ZDHHC21: variants seen among roughly 807,000 people sequenced by gnomAD.
ZDHHC21 encodes the protein palmitoyltransferase ZDHHC21.
In ZDHHC21, 15 loss-of-function variants were observed where a neutral mutation model predicts 34.6. The observed-to-expected ratio is 0.43, with a 90% CI of 0.29 to 0.67. The LOEUF (loss-of-function observed/expected upper bound fraction) is 0.67. Ranked by LOEUF, ZDHHC21 falls within the 30% of genes least tolerant of loss-of-function variation. The pLI is 0.14. For synonymous variants in ZDHHC21, 142 were observed against 101.8 expected, an observed-to-expected ratio of 1.40 and a Z score of -2.38; for missense variants, 344 against 327.7, an observed-to-expected ratio of 1.05 and a Z score of -0.38.
At position 14,640,004 on chromosome 9, in the gene ZDHHC21, A is replaced by T; in HGVS notation, c.513T>A (p.Phe171Leu). The T allele has an allele frequency of 6.3e-7, 1 of 1,593,936 alleles. No homozygotes were observed. Among genetic ancestry groups the T allele is most frequent in the Non-Finnish European group, 8.6e-7 (1 of 1,168,824 alleles). Residue 171 changes from phenylalanine to leucine, a missense_variant, in exon 8 of 10, where the codon TTT becomes TTA. Transcript: ENST00000380916. ...LPLKKRNLDL[F>L]VFRHELAIMR... ...TTATGGCCAATTCATGTCTAAAAAC[A>T]AAGAGGTCCTAAAAAGAAAAAGAAA... is the stretch of plus-strand genomic sequence containing the variant.
At chr9:14,660,658 C>G (rs1587245177) in intron 6 of ZDHHC21, among the ~76,000 whole-genome samples, 1 of 152,178 alleles carries the variant, frequency 6.6e-6, no homozygotes, top group Middle Eastern at 3.4e-3. Flanking sequence ...TGTACTTCCC[C>G]CTCACTGCTA....
Position 14,644,200 on chromosome 9 carries a change from C to A in ZDHHC21, c.505-4188G>T, listed in dbSNP as rs554184222. On this transcript the variant is annotated intron_variant, in intron 7 of 9. Transcript: ENST00000380916. ...CATTGTCTAAAGGTTTGTTTGTGAG[C>A]ATATAAAAATAGATTTTTAAAAATA... Among the ~76,000 whole-genome samples, 3 of 152,162 alleles carry A rather than the reference C, an allele frequency of 2.0e-5. No individual in the cohort carries two copies. In the East Asian group the frequency reaches 5.8e-4, roughly 29 times the overall value.
chr9:14,608,621 G>A (rs1376921277), downstream of ZDHHC21, among the ~76,000 whole-genome samples: 2 of 151,816 alleles, frequency 1.3e-5, no homozygotes, highest in African/African-American at 4.8e-5. Flanking sequence ...AGAATGTGCT[G>A]TGACTGATAC....
At chr9:14,660,372 C>A (rs867001083) in intron 6 of ZDHHC21, among the ~76,000 whole-genome samples, 115 of 58,798 alleles carry the variant, frequency 2.0e-3, no homozygotes, top group Middle Eastern at 0.019. Flanking sequence ...GACTCCATCT[C>A]AAAAAAAAAA....
intron 8 of ZDHHC21, among the ~76,000 whole-genome samples, chr9:14,634,383 G>A (rs146054858): frequency 7.5e-4 from 114 of 152,304 alleles, no homozygotes; most frequent in East Asian, 3.7e-3. Context: ...AACAAGCCAC[G>A]TGGAGGCCCA....
intron 5 of ZDHHC21, among the ~76,000 whole-genome samples, chr9:14,664,643 C>A (rs1263544391): frequency 6.6e-6 from 1 of 151,244 alleles, no homozygotes; most frequent in Non-Finnish European, 1.5e-5. Context: ...TCTCCCTGCA[C>A]GCAGCTGGAG....
intron 7 of ZDHHC21, among the ~76,000 whole-genome samples, chr9:14,651,272 A>C (rs2133835548): frequency 6.6e-6 from 1 of 152,058 alleles, no homozygotes; most frequent in South Asian, 2.1e-4. Context: ...TCTGAAGAGC[A>C]GATATTATGA....
chr9:14,626,755 T>C (rs1024464666), intron 8 of ZDHHC21, among the ~76,000 whole-genome samples: 4 of 151,876 alleles, frequency 2.6e-5, no homozygotes, highest in African/African-American at 9.7e-5. Context: ...ATATACAAAA[T>C]TCTAAAAAAT....
At chr9:14,630,045 AAAAC>A (rs1394054051) in intron 8 of ZDHHC21, among the ~76,000 whole-genome samples, 5 of 152,172 alleles carry the variant, frequency 3.3e-5, no homozygotes, top group East Asian at 1.9e-4. Flanking sequence ...ACTCCATCCC[AAAAC>A]AAACAAACAA....
the ZDHHC21 span, among the ~76,000 whole-genome samples, chr9:14,602,463 C>A: frequency 6.6e-6 from 1 of 151,800 alleles, no homozygotes. Flanking sequence ...GAGATACAGG[C>A]ATCTAGATAG....
At chr9:14,592,388 G>A in the ZDHHC21 span, among the ~76,000 whole-genome samples, 4 of 151,844 alleles carry the variant, frequency 2.6e-5, no homozygotes, top group African/African-American at 9.7e-5. Context: ...ACTGCTTCAT[G>A]AAGGATTTTC....
At chr9:14,595,192 G>A in the ZDHHC21 span, among the ~76,000 whole-genome samples, 1 of 152,038 alleles carries the variant, frequency 6.6e-6, no homozygotes, top group African/African-American at 2.4e-5. Context: ...TAAAACATAT[G>A]TCCACACATT....
In ZDHHC21 at chr9:14,644,943, C is replaced by G. The variant is rs1274294802; in HGVS notation, c.505-4931G>C. The stretch of plus-strand genomic sequence containing the variant: ...AAGAATACCATGAGGCTCATATAAA[C>G]AGAGCAAGGTAGGAAAGTCGGTTCT... On this transcript the variant is annotated intron_variant, in intron 7 of 9. Transcript: ENST00000380916. Among the ~76,000 whole-genome samples, 3 of 151,822 alleles carry G rather than the reference C, an allele frequency of 2.0e-5. No individual in the cohort carries two copies. In the East Asian group the frequency reaches 5.8e-4, roughly 30 times the overall value.
Position 14,634,412 on chromosome 9 carries a change from CCTG to C in ZDHHC21, c.621+5481_621+5483del, listed in dbSNP as rs1312604783. On this transcript the variant is annotated intron_variant, in intron 8 of 9. Coordinates refer to ENST00000380916, the MANE Select transcript of ZDHHC21 (RefSeq NM_178566.6). ...AGGCCCAAGAATTGGTCTGTGTGGA[CCTG>C]CTAACAGCAGTGCCAATGCCACCCT... Among the ~76,000 whole-genome samples, 17 of 152,312 alleles carry C rather than the reference CCTG, an allele frequency of 1.1e-4. No homozygotes were observed. The East Asian group carries it at 3.3e-3, about 29-fold the overall frequency.
At chr9:14,628,063 C>T (rs944672154) in intron 8 of ZDHHC21, among the ~76,000 whole-genome samples, 9 of 152,040 alleles carry the variant, frequency 5.9e-5, no homozygotes, top group Admixed American at 3.3e-4. Flanking sequence ...GTAGTAAAAA[C>T]GCACAAAAAC....
the ZDHHC21 span, among the ~76,000 whole-genome samples, chr9:14,597,958 C>T: frequency 6.6e-6 from 1 of 152,152 alleles, no homozygotes; most frequent in South Asian, 2.1e-4. Context: ...AGAGAACTTG[C>T]CTGCCCAGCT....
rs958172890 is a variant in ZDHHC21 at position 14,613,504 on chromosome 9, C to T, written c.*5462G>A. The T allele has an allele frequency of 7.3e-5, 11 of 151,704 alleles. No homozygotes were observed. Among genetic ancestry groups the T allele is most frequent in the African/African-American group, 2.7e-4 (11 of 41,376 alleles). 9.4% of individuals were successfully genotyped at this position (151,704 alleles called of 1,614,324 possible). A position where few individuals can be genotyped will look rare whatever the true frequency, so the allele number is the denominator to read the frequency against. On this transcript the variant is annotated 3_prime_UTR_variant, in exon 10 of 10. Coordinates refer to ENST00000380916, the MANE Select transcript of ZDHHC21 (RefSeq NM_178566.6). ...TTAACAGCCTGCAAACAATTAAACC[C>T]TGTATTTGGTCAAACAGGCAGGCAA... is the stretch of plus-strand genomic sequence containing the variant.
At chr9:14,594,099 T>C in the ZDHHC21 span, 1 of 152,172 alleles carries the variant, frequency 6.6e-6, no homozygotes, top group Non-Finnish European at 1.5e-5. Flanking sequence ...AGATAAGATA[T>C]TTGAAAATCT....
At position 14,662,208 on chromosome 9, in the gene ZDHHC21, T is replaced by C. The variant is rs375642399; in HGVS notation, c.365+7A>G. The stretch of plus-strand genomic sequence containing the variant: ...TCTTTTCTTTGCTAGAAGTGAATTA[T>C]TCTTACCATGGACAGTGATGATCCA... On this transcript the variant is annotated splice_region_variant and intron_variant, in intron 6 of 9. Coordinates refer to ENST00000380916, the MANE Select transcript of ZDHHC21 (RefSeq NM_178566.6). The C allele has an allele frequency of 1.9e-6, 3 of 1,583,520 alleles. No homozygotes were observed. Among genetic ancestry groups the C allele is most frequent in the Non-Finnish European group, 2.6e-6 (3 of 1,167,686 alleles).
Sources: allele counts gnomAD v4.1 joint callset (sites outside exome capture counted in the v4.1 genomes callset), GRCh38; gene constraint gnomAD v4.1.1; transcripts MANE v1.5; gene names NCBI Gene and HGNC (gene_info 2026-07-23, HGNC 2026-07-21).